The following COL23A1 variants were observed in gnomAD, a reference collection of about 807,000 sequenced individuals.
The protein encoded by COL23A1 is collagen type XXIII alpha 1 chain.
COL23A1 carries 97 observed loss-of-function variants against 99.3 expected under a neutral mutation model. The observed-to-expected ratio is 0.98, with a 90% CI of 0.83 to 1.16. COL23A1 has a LOEUF of 1.16. COL23A1 is among the 50% of genes most tolerant of loss of function. The probability of loss-of-function intolerance (pLI) is 0.00; values close to 1 mark genes in which losing one functional copy is unlikely to be tolerated. For missense variants in COL23A1, 762 were observed against 757.4 expected (o/e 1.01, Z -0.07); for synonymous variants, 320 against 308.2 (o/e 1.04, Z -0.40).
chr5:178,295,552 C>T (rs1757694601), intron 3 of COL23A1, among the ~76,000 whole-genome samples: 1 of 152,354 alleles, frequency 6.6e-6, no homozygotes, highest in South Asian at 2.1e-4. Flanking sequence ...GGAACCTTCT[C>T]TCTAGAGAGT....
At chr5:178,529,633 G>A (rs965221918) in intron 2 of COL23A1, among the ~76,000 whole-genome samples, 4 of 152,114 alleles carry the variant, frequency 2.6e-5, no homozygotes, top group Non-Finnish European at 5.9e-5. Flanking sequence ...AGGGACAGAC[G>A]GTCCCTCTGT....
At chr5:178,559,510 G>A (rs965686328) in intron 2 of COL23A1, among the ~76,000 whole-genome samples, 2 of 147,502 alleles carry the variant, frequency 1.4e-5, no homozygotes, top group Non-Finnish European at 3.0e-5. Flanking sequence ...TGCACATCGA[G>A]AAGTCTGAGA....
In COL23A1 at chr5:178,310,466, C is replaced by A. The variant is rs755385522; in HGVS notation, c.362-3547G>T. Reference sequence around the variant, plus strand: ...CAGGCTCACCTTCTGCCTCGCCAGTCCTCTGAAGAAGGTGCTAGTGTTCCC... The same window carrying A: ...CAGGCTCACCTTCTGCCTCGCCAGTACTCTGAAGAAGGTGCTAGTGTTCCC... On this transcript the variant is annotated intron_variant, in intron 2 of 28. Transcript: ENST00000390654. This position sits in a 1 kb window ranked among gnomAD's most constrained non-coding sequence, Gnocchi z 4.3. Among the ~76,000 whole-genome samples the A allele has an allele frequency of 5.9e-5, 9 of 152,254 alleles. No individual in the cohort carries two copies. Among genetic ancestry groups the A allele is most frequent in the Non-Finnish European group, 1.3e-4 (9 of 68,040 alleles).
chr5:178,457,735 C>CAG lies in COL23A1; in HGVS notation c.361+102946_361+102947insCT, dbSNP rs1261672710. 3.3e-5 allele frequency among the ~76,000 whole-genome samples: 5 copies of CAG among 152,306 alleles called. No individual in the cohort carries two copies. In the East Asian group the frequency reaches 9.6e-4, roughly 29 times the overall value. ...TGCTGTGATTATCATCCTCAGACTG[C>CAG]TGCATGTGTATCATGGAATAAAGCA... On this transcript the variant is annotated intron_variant, in intron 2 of 28. Transcript: ENST00000390654.
Position 178,300,089 on chromosome 5 carries a change from G to A in COL23A1, c.406+6786C>T, listed in dbSNP as rs187379404. Among the ~76,000 whole-genome samples, 562 of 135,226 alleles carry A rather than the reference G, an allele frequency of 4.2e-3. 3 individuals are homozygous for A. The highest frequency in any genetic ancestry group is 0.017 in the Middle Eastern group (3 of 174). The allele number at this position is 135,226 out of a possible 152,430, so 88.7% of individuals were successfully genotyped here. A position where few individuals can be genotyped will look rare whatever the true frequency, so the allele number is the denominator to read the frequency against. ...AATTTTTTTCTTTTTTTTTTGAGAC[G>A]GAGTCTCGCTCTGTTGCCCAGGCTG... On this transcript the variant is annotated intron_variant, in intron 3 of 28. Transcript: ENST00000390654.
chr5:178,251,022 A>G (rs930766578), intron 17 of COL23A1, among the ~76,000 whole-genome samples: 2 of 111,976 alleles, frequency 1.8e-5, no homozygotes, highest in African/African-American at 6.1e-5. Flanking sequence ...TAATCGCAAG[A>G]TAATTTTTTT....
chr5:178,308,193 GTC>G lies in COL23A1; in HGVS notation c.362-1276_362-1275del, dbSNP rs1482239699. ...AAGGGAAGGGGAGGAGGGAGGGCCA[GTC>G]TCTGAGAAACAGCGAGAGAGAAGAG... is the stretch of plus-strand genomic sequence containing the variant. On this transcript the variant is annotated intron_variant, in intron 2 of 28. Coordinates refer to ENST00000390654, the MANE Select transcript of COL23A1 (RefSeq NM_173465.4). The surrounding 1 kb of genome is among the most constrained non-coding windows in gnomAD (Gnocchi z 5.1). Among the ~76,000 whole-genome samples, 1 of 152,124 alleles carries G rather than the reference GTC, an allele frequency of 6.6e-6. No individual in the cohort carries two copies. The highest frequency in any genetic ancestry group is 2.4e-5 in the African/African-American group (1 of 41,408).
At chr5:178,542,812 C>G in intron 2 of COL23A1, among the ~76,000 whole-genome samples, 1 of 152,126 alleles carries the variant, frequency 6.6e-6, no homozygotes, top group East Asian at 1.9e-4. Flanking sequence ...CTCTGGGGTT[C>G]ATTTAGGTTG....
intron 2 of COL23A1, among the ~76,000 whole-genome samples, chr5:178,329,045 T>G (rs1759858838): frequency 6.6e-6 from 1 of 152,086 alleles, no homozygotes; most frequent in Admixed American, 6.5e-5. Flanking sequence ...ACGAGCACTG[T>G]CAGCTCTGGC....
At chr5:178,584,087 C>A (rs1763795649) in intron 1 of COL23A1, among the ~76,000 whole-genome samples, 2 of 152,174 alleles carry the variant, frequency 1.3e-5, no homozygotes, top group African/African-American at 4.8e-5. Context: ...ATGATCTTGG[C>A]CCACTGCAAC....
At chr5:178,479,270 C>A (rs998710711) in intron 2 of COL23A1, among the ~76,000 whole-genome samples, 2 of 152,200 alleles carry the variant, frequency 1.3e-5, no homozygotes, top group African/African-American at 4.8e-5. Context: ...AAGCCCCCTG[C>A]CCCAAATCAC....
At chr5:178,408,669 A>G (rs1335401670) in intron 2 of COL23A1, among the ~76,000 whole-genome samples, 1 of 152,106 alleles carries the variant, frequency 6.6e-6, no homozygotes, top group Non-Finnish European at 1.5e-5. Context: ...ATATACACTT[A>G]TCAGGCCAGG....
At chr5:178,258,233 T>TAA (rs1414643031) in intron 12 of COL23A1, among the ~76,000 whole-genome samples, 21 of 73,046 alleles carry the variant, frequency 2.9e-4, no homozygotes, top group South Asian at 5.3e-4. Flanking sequence ...GATCCTGTCT[T>TAA]AAAATATATA....
At chr5:178,337,322 TC>T (rs1421719070) in intron 2 of COL23A1, among the ~76,000 whole-genome samples, 8 of 152,340 alleles carry the variant, frequency 5.3e-5, no homozygotes, top group Admixed American at 1.3e-4. Context: ...GAGCAGAGGT[TC>T]CCGTGGGAGT....
At chr5:178,558,200 T>G (rs768707125) in intron 2 of COL23A1, among the ~76,000 whole-genome samples, 61 of 152,102 alleles carry the variant, frequency 4.0e-4, no homozygotes, top group Non-Finnish European at 7.2e-4. Context: ...TCCCCACTCC[T>G]GATGGAAGGC....
chr5:178,536,196 T>C (rs1291455492), intron 2 of COL23A1, among the ~76,000 whole-genome samples: 1 of 152,242 alleles, frequency 6.6e-6, no homozygotes, highest in Non-Finnish European at 1.5e-5. Context: ...CACCCTCGGC[T>C]GGGGACGCGG....
intron 2 of COL23A1, among the ~76,000 whole-genome samples, chr5:178,456,647 G>A (rs1240915114): frequency 5.3e-5 from 8 of 152,116 alleles, no homozygotes; most frequent in African/African-American, 1.2e-4. Context: ...GCGGTGAGCC[G>A]AGATCGCACC....
chr5:178,555,219 G>A (rs1017429699), intron 2 of COL23A1, among the ~76,000 whole-genome samples: 2 of 152,112 alleles, frequency 1.3e-5, no homozygotes, highest in Non-Finnish European at 2.9e-5. Flanking sequence ...AAGGCCTCAT[G>A]TCACCTACTC....
rs1273229960 is a variant in COL23A1, at chr5:178,242,102, T to C, written c.1521A>G (p.Lys507=). Reference sequence around the variant, plus strand: ...GCTCGCCCTTCTGGCCCTTCACTCCTTTCCGGCCGGGGACCCCTCGTTCTC... The same window carrying C: ...GCTCGCCCTTCTGGCCCTTCACTCCCTTCCGGCCGGGGACCCCTCGTTCTC... The part of the protein sequence containing the change: ...EKGERGVPGR[K]GVKGQKGEPG... The change falls in exon 27 of 29, where the codon AAA becomes AAG. Residue 507 remains lysine (K), a synonymous_variant. Coordinates refer to ENST00000390654, the MANE Select transcript of COL23A1 (RefSeq NM_173465.4). The C allele has an allele frequency of 2.6e-6, 4 of 1,553,658 alleles. No individual in the cohort carries two copies. The highest frequency in any genetic ancestry group is 1.2e-5 in the South Asian group (1 of 84,234).
Sources: gnomAD v4.1 joint callset for allele counts (sites outside exome capture counted in the v4.1 genomes callset) on GRCh38, gnomAD v4.1.1 for gene constraint, Gnocchi (gnomAD v3.1) non-coding constraint, MANE v1.5 for transcripts, NCBI Gene and HGNC (gene_info 2026-07-23, HGNC 2026-07-21) for gene names.